Variants in LRBA observed in about 807,000 individuals in gnomAD.
The protein encoded by LRBA is LPS responsive beige-like anchor protein, also known as lipopolysaccharide-responsive and beige-like anchor protein.
LRBA carries 176 observed loss-of-function variants against 330.0 expected under a neutral mutation model. The ratio of observed to expected loss-of-function variants is 0.53; its 90% CI spans 0.47 to 0.60. The LOEUF is 0.60. Ranked by LOEUF, LRBA falls within the 20% of genes least tolerant of loss-of-function variation. LRBA has a pLI of 0.00. For missense variants in LRBA, 3,259 were observed against 3,444.8 expected (o/e 0.95, Z 1.35); for synonymous variants, 1,230 against 1,193.0 (o/e 1.03, Z -0.64).
At chr4:150,920,689 T>C (rs1018159026) in intron 5 of LRBA, among the ~76,000 whole-genome samples, 1 of 152,210 alleles carries the variant, frequency 6.6e-6, no homozygotes, top group African/African-American at 2.4e-5. Flanking sequence ...GATATCACTA[T>C]TATACATAAT....
Position 150,958,009 on chromosome 4 carries a change from C to A in LRBA, c.217-28944G>T. ...TGAGCATCTGCAGCTTTTCGAGGTG[C>A]ACAGTGCAAGCTGTCAGTGGATCTA... On this transcript the variant is annotated intron_variant, in intron 2 of 56. Transcript: ENST00000651943. 1.3e-5 allele frequency among the ~76,000 whole-genome samples: 2 copies of A among 149,164 alleles called. 1 individual carries two copies.
chr4:150,721,449 C>A, intron 36 of LRBA: 1 of 290,390 alleles, frequency 3.4e-6, no homozygotes. Flanking sequence ...TAAAGAAAAC[C>A]CAGAAGTTTT....
chr4:150,658,593 C>G (rs1241321755), intron 37 of LRBA, among the ~76,000 whole-genome samples: 4 of 6 alleles, frequency 0.67, 2 homozygotes, highest in African/African-American at 0.67. Context: ...CTCTCCCTCT[C>G]CCTCTCCCTC....
intron 35 of LRBA, among the ~76,000 whole-genome samples, chr4:150,741,213 A>G (rs1017106639): frequency 2.0e-5 from 3 of 152,162 alleles, no homozygotes; most frequent in African/African-American, 7.2e-5. Context: ...GCCACCACTA[A>G]GAGAATTAAA....
Position 151,014,846 on chromosome 4 carries a change from A to C in LRBA, c.-204T>G. 1.8e-6 allele frequency: 1 copy of C among 557,062 alleles called. No homozygotes were observed. Among genetic ancestry groups the C allele is most frequent in the Non-Finnish European group, 3.2e-6 (1 of 313,454 alleles). 34.5% of individuals were successfully genotyped at this position (557,062 alleles called of 1,614,324 possible). A position where few individuals can be genotyped will look rare whatever the true frequency, so the allele number is the denominator to read the frequency against. On this transcript the variant is annotated 5_prime_UTR_variant, in exon 2 of 57. Coordinates refer to ENST00000651943, the MANE Select transcript of LRBA (RefSeq NM_001364905.1). Reference sequence around the variant, plus strand: ...TGTCCAATCTCTCTCCCCGAGGCTGACAACAACGCCAAACCCTATTGGAAG... The same window carrying C: ...TGTCCAATCTCTCTCCCCGAGGCTGCCAACAACGCCAAACCCTATTGGAAG...
chr4:150,687,831 T>C (rs1448428464), intron 36 of LRBA, among the ~76,000 whole-genome samples: 4 of 152,186 alleles, frequency 2.6e-5, no homozygotes, highest in Admixed American at 2.6e-4. Context: ...AAACATTCCA[T>C]GCTCATGGAT....
intron 55 of LRBA, among the ~76,000 whole-genome samples, chr4:150,280,813 T>C (rs1747400921): frequency 6.6e-6 from 1 of 152,216 alleles, no homozygotes; most frequent in Non-Finnish European, 1.5e-5. Context: ...CCCGAGGTAG[T>C]GAGCTGTGAA....
intron 40 of LRBA, among the ~76,000 whole-genome samples, chr4:150,516,227 T>G: frequency 1.0e-5 from 1 of 98,560 alleles, no homozygotes; most frequent in Admixed American, 1.0e-4. Flanking sequence ...CTTTTTTTTT[T>G]TTTTTTTTTT....
At chr4:150,459,906 A>G (rs1754555131) in intron 44 of LRBA, among the ~76,000 whole-genome samples, 1 of 151,962 alleles carries the variant, frequency 6.6e-6, no homozygotes, top group Non-Finnish European at 1.5e-5. Flanking sequence ...AAACAATTTA[A>G]GATCTATTAT....
intron 44 of LRBA, among the ~76,000 whole-genome samples, chr4:150,445,375 CTCTATATATATATA>C (rs1232817479): frequency 1.1e-3 from 88 of 82,968 alleles, no homozygotes; most frequent in Non-Finnish European, 1.7e-3. Context: ...CTCTCTCTCT[CTCTATATATATATA>C]TATATATATA....
At chr4:150,689,021 G>A (rs970591146) in intron 36 of LRBA, among the ~76,000 whole-genome samples, 3 of 152,144 alleles carry the variant, frequency 2.0e-5, no homozygotes, top group Non-Finnish European at 4.4e-5. Context: ...TATGTTTACT[G>A]CGGCACTATA....
rs568208207 is a variant in LRBA at position 150,541,967 on chromosome 4, C to A, written c.6330+46081G>T. Among the ~76,000 whole-genome samples the A allele has an allele frequency of 3.3e-5, 5 of 152,076 alleles. No individual in the cohort carries two copies. The South Asian group carries it at 1.0e-3, about 32-fold the overall frequency. On this transcript the variant is annotated intron_variant, in intron 40 of 56. Coordinates refer to ENST00000651943, the MANE Select transcript of LRBA (RefSeq NM_001364905.1). ...CCATTTAGATTTAAAGACAGAAATA[C>A]CTTGAAAGTAAATAAATGGAAAAAT...
chr4:150,471,272 C>G (rs1189105031), intron 43 of LRBA, among the ~76,000 whole-genome samples: 1 of 152,114 alleles, frequency 6.6e-6, no homozygotes, highest in Non-Finnish European at 1.5e-5. Context: ...CTCTGCTAGT[C>G]AAATAGTATC....
At chr4:150,667,098 A>G (rs1289229129) in intron 37 of LRBA, among the ~76,000 whole-genome samples, 1 of 152,194 alleles carries the variant, frequency 6.6e-6, no homozygotes, top group Non-Finnish European at 1.5e-5. Flanking sequence ...AACGGTCTTA[A>G]TCACTATACC....
At chr4:150,701,429 C>G (rs79456043) in intron 36 of LRBA, among the ~76,000 whole-genome samples, 3 of 151,500 alleles carry the variant, frequency 2.0e-5, no homozygotes, top group African/African-American at 2.4e-5. Flanking sequence ...CACTTTCATA[C>G]GAATGGAAAC....
At chr4:150,325,944 C>T (rs747690514) in intron 48 of LRBA, 46 bp from the exon 49 acceptor site, 1 of 1,032,730 alleles carries the variant, frequency 9.7e-7, no homozygotes, top group Non-Finnish European at 1.5e-6. Context: ...GTGCTAATTA[C>T]AGGAAATAGA....
intron 2 of LRBA, among the ~76,000 whole-genome samples, chr4:150,931,416 ATAT>A (rs1734490505): frequency 6.6e-6 from 1 of 150,580 alleles, no homozygotes; most frequent in South Asian, 2.1e-4. Context: ...CTATATTTAT[ATAT>A]TATTATATGA....
At chr4:150,456,919 A>G (rs1360655707) in intron 44 of LRBA, among the ~76,000 whole-genome samples, 1 of 152,130 alleles carries the variant, frequency 6.6e-6, no homozygotes, top group Non-Finnish European at 1.5e-5. Flanking sequence ...CTATTTATTG[A>G]AGAGACTGTC....
chr4:150,569,045 C>T (rs1275266014), intron 40 of LRBA, among the ~76,000 whole-genome samples: 2 of 152,154 alleles, frequency 1.3e-5, no homozygotes, highest in Admixed American at 1.3e-4. Context: ...ACAATACCTA[C>T]CTCAAGGGCT....
Sources: gnomAD v4.1 joint callset for allele counts (sites outside exome capture counted in the v4.1 genomes callset) on GRCh38, gnomAD v4.1.1 for gene constraint, MANE v1.5 for transcripts, NCBI Gene and HGNC (gene_info 2026-07-23, HGNC 2026-07-21) for gene names.